The following PTPRG variants were observed in gnomAD, a reference collection of about 807,000 sequenced individuals.
The protein encoded by PTPRG is receptor-type tyrosine-protein phosphatase gamma.
PTPRG carries 102 observed loss-of-function variants against 165.3 expected under a neutral mutation model. The ratio of observed to expected loss-of-function variants is 0.62; its 90% CI spans 0.53 to 0.73. The LOEUF is 0.73. PTPRG is among the 30% of genes least tolerant of loss of function. The probability of loss-of-function intolerance (pLI) is 0.00; values close to 1 mark genes in which losing one functional copy is unlikely to be tolerated. For missense variants in PTPRG, 1,866 were observed against 1,861.4 expected, an observed-to-expected ratio of 1.00 and a Z score of -0.05; for synonymous variants, 675 against 669.5, an observed-to-expected ratio of 1.01 and a Z score of -0.13.
chr3:62,267,446 G>A lies in PTPRG; in HGVS notation c.2693G>A (p.Gly898Glu), dbSNP rs1701916912. ...HSRVKLRPLP[G>E]KDSKHSDYIN... ...AGGGTGAAGTTAAGACCTTTACCAG[G>A]AAAAGACTCTAAGCACAGCGACTAC... Residue 898 changes from glycine (G) to glutamate (E), a missense_variant, in exon 18 of 30, where the codon GGA becomes GAA. Physicochemically the swap from Gly to Glu is moderately conservative, Grantham distance 98. Transcript: ENST00000474889. The A allele has an allele frequency of 6.2e-7, 1 of 1,612,026 alleles. No individual in the cohort carries two copies. The highest frequency in any genetic ancestry group is 8.5e-7 in the Non-Finnish European group (1 of 1,178,410).
intron 4 of PTPRG, among the ~76,000 whole-genome samples, chr3:62,061,839 A>G (rs933471418): frequency 1.3e-5 from 2 of 151,366 alleles, no homozygotes; most frequent in South Asian, 2.1e-4. Flanking sequence ...CACGTTGGCC[A>G]GGCTGGTCTG....
intron 7 of PTPRG, among the ~76,000 whole-genome samples, chr3:62,161,011 G>A (rs1465537568): frequency 6.6e-6 from 1 of 151,890 alleles, no homozygotes; most frequent in Non-Finnish European, 1.5e-5. Context: ...GAGGCAAACT[G>A]CCTGGGTTCC....
At chr3:61,669,919 C>T (rs537804338) in intron 1 of PTPRG, among the ~76,000 whole-genome samples, 2 of 152,250 alleles carry the variant, frequency 1.3e-5, no homozygotes, top group Admixed American at 1.3e-4. Flanking sequence ...TAGGGCTGCT[C>T]TTCGTGGAAG....
intron 1 of PTPRG, among the ~76,000 whole-genome samples, chr3:61,714,054 A>C (rs558068703): frequency 6.6e-6 from 1 of 152,346 alleles, no homozygotes; most frequent in East Asian, 1.9e-4. Context: ...AATGATCTCC[A>C]AAATCCTTTC....
intron 1 of PTPRG, among the ~76,000 whole-genome samples, chr3:61,654,227 G>GC (rs1418572615): frequency 1.3e-5 from 2 of 152,014 alleles, no homozygotes; most frequent in African/African-American, 2.4e-5. Context: ...ACCAACACCT[G>GC]CCCGCCACCC....
intron 8 of PTPRG, among the ~76,000 whole-genome samples, chr3:62,179,089 G>A (rs1429190760): frequency 6.6e-6 from 1 of 152,180 alleles, no homozygotes; most frequent in East Asian, 1.9e-4. Flanking sequence ...ACACGGGTTG[G>A]TTGAAGCTGT....
chr3:62,056,518 C>A (rs1231255473), intron 4 of PTPRG, among the ~76,000 whole-genome samples: 1 of 152,030 alleles, frequency 6.6e-6, no homozygotes, highest in Admixed American at 6.6e-5. Flanking sequence ...GATTGGACAC[C>A]CCTGGTCTAA....
intron 5 of PTPRG, among the ~76,000 whole-genome samples, chr3:62,132,242 G>A (rs548372774): frequency 6.6e-5 from 10 of 152,308 alleles, no homozygotes; most frequent in African/African-American, 1.7e-4. Context: ...GAAATTTTCC[G>A]TCAATGATGG....
intron 2 of PTPRG, among the ~76,000 whole-genome samples, chr3:61,801,287 C>T (rs552968029): frequency 4.6e-5 from 7 of 151,672 alleles, no homozygotes; most frequent in South Asian, 2.1e-4. Flanking sequence ...GGGTGGTGTG[C>T]GCACACGCAT....
At position 61,838,366 on chromosome 3, in the gene PTPRG, T is replaced by G. The variant is rs573214994; in HGVS notation, c.190+89384T>G. Among the ~76,000 whole-genome samples, 10 of 152,332 alleles carry G rather than the reference T, an allele frequency of 6.6e-5. 2 individuals are homozygous for G. In the South Asian group the frequency reaches 2.1e-3, roughly 32 times the overall value. ...CCAAAACTAGACAGGTTTATATAGT[T>G]TCTTTTCCCTTTGAAAGGTCCCTTT... On this transcript the variant is annotated intron_variant, in intron 2 of 29. Coordinates refer to ENST00000474889, the MANE Select transcript of PTPRG (RefSeq NM_002841.4).
chr3:61,737,397 G>C (rs2032759400), intron 1 of PTPRG, among the ~76,000 whole-genome samples: 1 of 152,164 alleles, frequency 6.6e-6, no homozygotes, highest in South Asian at 2.1e-4. Flanking sequence ...TCCTGTCATG[G>C]AGAGACCAAG....
chr3:62,113,420 T>A (rs1358311871), intron 5 of PTPRG, among the ~76,000 whole-genome samples: 1 of 152,220 alleles, frequency 6.6e-6, no homozygotes, highest in Admixed American at 6.5e-5. Context: ...AAATACTTAT[T>A]TATAATTTAA....
At chr3:61,944,312 T>C (rs2039702921) in intron 2 of PTPRG, among the ~76,000 whole-genome samples, 1 of 152,202 alleles carries the variant, frequency 6.6e-6, no homozygotes, top group African/African-American at 2.4e-5. Context: ...CATATTGATG[T>C]CCCTGTGATC....
In PTPRG at chr3:62,107,240, C is replaced by G. The variant is rs569237298; in HGVS notation, c.616-25362C>G. Among the ~76,000 whole-genome samples the G allele has an allele frequency of 8.5e-5, 13 of 152,170 alleles. No individual in the cohort carries two copies. The East Asian group carries it at 2.5e-3, about 29-fold the overall frequency. On this transcript the variant is annotated intron_variant, in intron 5 of 29. Coordinates refer to ENST00000474889, the MANE Select transcript of PTPRG (RefSeq NM_002841.4). ...AGTTACATCATGGGAGCCAACTGTT[C>G]CAGTGATCTATATGGCAAATCACTC... is the stretch of plus-strand genomic sequence containing the variant.
intron 5 of PTPRG, among the ~76,000 whole-genome samples, chr3:62,106,222 G>C (rs1158819920): frequency 6.6e-6 from 1 of 152,178 alleles, no homozygotes; most frequent in Non-Finnish European, 1.5e-5. Flanking sequence ...GAAGAACCTA[G>C]AGAAGGTTGG....
intron 2 of PTPRG, among the ~76,000 whole-genome samples, chr3:61,984,528 C>A (rs1482865877): frequency 1.3e-5 from 2 of 152,096 alleles, no homozygotes; most frequent in Admixed American, 6.6e-5. Context: ...TCCAGTAAAA[C>A]CTGGTTAGTA....
rs973587462 is a variant in PTPRG, at chr3:62,267,802, C to T, written c.2857C>T (p.Leu953Phe). Residue 953 changes from leucine to phenylalanine, a missense_variant, in exon 19 of 30, where the codon CTT becomes TTT. Leu to Phe is a conservative substitution (Grantham distance 22). Coordinates refer to ENST00000474889, the MANE Select transcript of PTPRG (RefSeq NM_002841.4). ...NTGIIVMITN[L>F]VEKGRRKCDQ... is the part of the protein sequence containing the mutation. ...TGGAATCATTGTGATGATTACGAAC[C>T]TTGTGGAAAAAGGAAGAGTAAGAGC... 1 of 1,612,150 alleles carries T rather than the reference C, an allele frequency of 6.2e-7. No individual in the cohort carries two copies. Among genetic ancestry groups the T allele is most frequent in the African/African-American group, 1.3e-5 (1 of 74,800 alleles).
intron 1 of PTPRG, among the ~76,000 whole-genome samples, chr3:61,665,916 A>T (rs1015515579): frequency 2.0e-5 from 3 of 152,202 alleles, no homozygotes; most frequent in Admixed American, 6.5e-5. Context: ...TGAGAGGTCC[A>T]GAAAATGAAA....
intron 2 of PTPRG, chr3:61,751,057 G>T (rs753760157): frequency 2.6e-5 from 4 of 151,964 alleles, no homozygotes; most frequent in Non-Finnish European, 5.9e-5. Context: ...GAATGGGACA[G>T]ATATCAACTG....
Sources: gnomAD v4.1 joint callset for allele counts (sites outside exome capture counted in the v4.1 genomes callset) on GRCh38, gnomAD v4.1.1 for gene constraint, MANE v1.5 for transcripts, NCBI Gene and HGNC (gene_info 2026-07-23, HGNC 2026-07-21) for gene names.